EPHB1: variants seen among roughly 807,000 people sequenced by gnomAD.
EPHB1 encodes EPH receptor B1, also known as ephrin type-B receptor 1.
A neutral mutation model predicts 94.4 loss-of-function variants in EPHB1; 30 were observed. That is an observed-to-expected ratio of 0.32 (90% CI 0.24 to 0.43). EPHB1 has a LOEUF of 0.43. EPHB1 is among the 20% of genes least tolerant of loss of function. The pLI, the probability that EPHB1 is intolerant of heterozygous loss-of-function variation, is 1.00. For synonymous variants in EPHB1, 522 were observed against 489.1 expected (o/e 1.07, Z -0.89); for missense variants, 1,055 against 1,308.3 (o/e 0.81, Z 2.99).
At position 135,166,140 on chromosome 3, in the gene EPHB1, C is replaced by T. The variant is rs537983931; in HGVS notation, c.1694+64C>T. The stretch of plus-strand genomic sequence containing the variant: ...GAAGCCCCTCTCCATGTGCCGTTTC[C>T]CAGGCTGCGTGGATCAGATAGGGTG... On this transcript the variant is annotated intron_variant, in intron 8 of 15. Transcript: ENST00000398015. 37 of 1,267,514 alleles carry T rather than the reference C, an allele frequency of 2.9e-5. No individual in the cohort carries two copies. In the African/African-American group the frequency reaches 5.1e-4, roughly 18 times the overall value. The allele number at this position is 1,267,514 out of a possible 1,614,324, so 78.5% of individuals were successfully genotyped here. A position where few individuals can be genotyped will look rare whatever the true frequency, so the allele number is the denominator to read the frequency against.
intron 1 of EPHB1, among the ~76,000 whole-genome samples, chr3:134,807,152 A>G (rs905726430): frequency 4.6e-5 from 7 of 152,240 alleles, no homozygotes; most frequent in Non-Finnish European, 7.3e-5. Flanking sequence ...GAGAGCTCAC[A>G]TTCTACAGAG....
At chr3:134,882,770 C>CTTTCTTTTTTCTTTCTTTCTTTCTTTCTT (rs1453449652) in intron 1 of EPHB1, among the ~76,000 whole-genome samples, 1 of 42,558 alleles carries the variant, frequency 2.3e-5, no homozygotes, top group South Asian at 1.4e-3. Flanking sequence ...TCCTTCCTTT[C>CTTTCTTTTTTCTTTCTTTCTTTCTTTCTT]TTTCTTTCTT....
intron 12 of EPHB1, among the ~76,000 whole-genome samples, chr3:135,233,025 G>A (rs1048248749): frequency 6.6e-6 from 1 of 152,118 alleles, no homozygotes; most frequent in Non-Finnish European, 1.5e-5. Context: ...GGTGAGATTC[G>A]GGTGGGGAGA....
chr3:135,137,606 C>A (rs996249685), intron 5 of EPHB1, among the ~76,000 whole-genome samples: 3 of 152,170 alleles, frequency 2.0e-5, no homozygotes, highest in African/African-American at 7.2e-5. Flanking sequence ...CTGCTCCTCA[C>A]ATGAATCATG....
chr3:134,996,087 AAACTT>A (rs1223677873), intron 3 of EPHB1, among the ~76,000 whole-genome samples: 1 of 152,242 alleles, frequency 6.6e-6, no homozygotes, highest in African/African-American at 2.4e-5. Flanking sequence ...TTATTTCACT[AAACTT>A]AGACATCTAG....
intron 15 of EPHB1, among the ~76,000 whole-genome samples, chr3:135,257,815 G>T (rs934663250): frequency 6.6e-6 from 1 of 152,092 alleles, no homozygotes; most frequent in African/African-American, 2.4e-5. Context: ...CCCCAGCCTG[G>T]CTGCTGCCTT....
intron 3 of EPHB1, among the ~76,000 whole-genome samples, chr3:135,076,261 A>ATATATAT (rs1553729687): frequency 4.4e-5 from 5 of 112,542 alleles, no homozygotes; most frequent in South Asian, 2.8e-4. Context: ...ATATATATAT[A>ATATATAT]ACTCTTAAAT....
chr3:134,941,781 A>G (rs2039123240), intron 2 of EPHB1, among the ~76,000 whole-genome samples: 1 of 151,756 alleles, frequency 6.6e-6, no homozygotes, highest in South Asian at 2.1e-4. Context: ...ACACACACAC[A>G]CACACACACA....
intron 4 of EPHB1, among the ~76,000 whole-genome samples, chr3:135,119,483 C>T (rs188843516): frequency 2.1e-3 from 323 of 152,064 alleles, no homozygotes; most frequent in Non-Finnish European, 3.7e-3. Flanking sequence ...GTCAGAGTCT[C>T]GCTGTGTTGC....
At chr3:135,152,690 T>G (rs1052915741) in intron 5 of EPHB1, among the ~76,000 whole-genome samples, 3 of 152,114 alleles carry the variant, frequency 2.0e-5, no homozygotes, top group African/African-American at 4.8e-5. Flanking sequence ...GATTGGAAGT[T>G]GCCCATCAGA....
intron 4 of EPHB1, among the ~76,000 whole-genome samples, chr3:135,123,041 G>A (rs1200067749): frequency 2.0e-5 from 3 of 152,174 alleles, no homozygotes; most frequent in Non-Finnish European, 4.4e-5. Flanking sequence ...CTGCCTCTGT[G>A]AAATCTTTCC....
At chr3:135,131,741 T>A (rs1940426231) in intron 4 of EPHB1, among the ~76,000 whole-genome samples, 1 of 152,194 alleles carries the variant, frequency 6.6e-6, no homozygotes, top group Non-Finnish European at 1.5e-5. Flanking sequence ...TTTGCCAGAT[T>A]GTGAAAAGTA....
intron 12 of EPHB1, among the ~76,000 whole-genome samples, chr3:135,235,955 C>A (rs1943641603): frequency 6.6e-6 from 1 of 152,148 alleles, no homozygotes; most frequent in African/African-American, 2.4e-5. Flanking sequence ...GTCCTCTTGC[C>A]CCCTAATAGT....
intron 3 of EPHB1, among the ~76,000 whole-genome samples, chr3:134,985,054 T>A (rs1207535358): frequency 6.6e-6 from 1 of 152,154 alleles, no homozygotes; most frequent in Admixed American, 6.5e-5. Flanking sequence ...TATTGCACAA[T>A]GGAACTTGGC....
chr3:135,019,874 G>A lies in EPHB1; in HGVS notation c.805+67822G>A, dbSNP rs180890298. On this transcript the variant is annotated intron_variant, in intron 3 of 15. Coordinates refer to ENST00000398015, the MANE Select transcript of EPHB1 (RefSeq NM_004441.5). Reference sequence around the variant, plus strand: ...AACAACTTCATTCATAAATCCATAGGCACTTTTGTGCTTATTTCTTTAGAA... The same window carrying A: ...AACAACTTCATTCATAAATCCATAGACACTTTTGTGCTTATTTCTTTAGAA... 5.3e-3 allele frequency among the ~76,000 whole-genome samples: 800 copies of A among 152,138 alleles called. 9 individuals are homozygous for A. Among genetic ancestry groups the A allele is most frequent in the African/African-American group, 0.018 (761 of 41,500 alleles).
chr3:134,957,953 G>A (rs1933345144), intron 3 of EPHB1, among the ~76,000 whole-genome samples: 1 of 152,180 alleles, frequency 6.6e-6, no homozygotes, highest in South Asian at 2.1e-4. Flanking sequence ...CTCTCGATGT[G>A]CCTGTCTTCC....
Position 135,162,171 on chromosome 3 carries a change from C to T in EPHB1, c.1576C>T (p.Leu526=). Residue 526 remains leucine, a synonymous_variant, in exon 7 of 16, where the codon CTG becomes TTG. Coordinates refer to ENST00000398015, the MANE Select transcript of EPHB1 (RefSeq NM_004441.5). ...KFSGKMCFQT[L]TDDDYKSELR... is the part of the protein sequence containing the mutation. Reference sequence around the variant, plus strand: ...CAGTGGCAAGATGTGCTTCCAGACTCTGACTGACGGTAAGGGTCGGGGAGG... The same window carrying T: ...CAGTGGCAAGATGTGCTTCCAGACTTTGACTGACGGTAAGGGTCGGGGAGG... 6.2e-7 allele frequency: 1 copy of T among 1,605,006 alleles called. No homozygotes were observed. The highest frequency in any genetic ancestry group is 8.5e-7 in the Non-Finnish European group (1 of 1,174,688).
intron 3 of EPHB1, among the ~76,000 whole-genome samples, chr3:135,030,579 G>C (rs909758165): frequency 6.6e-6 from 1 of 152,218 alleles, no homozygotes. Context: ...CAGTCTGCCC[G>C]TTCTCAGATC....
intron 3 of EPHB1, among the ~76,000 whole-genome samples, chr3:135,081,483 A>G (rs1218382311): frequency 6.6e-6 from 1 of 152,186 alleles, no homozygotes; most frequent in Middle Eastern, 3.2e-3. Context: ...TAGCCAGAAG[A>G]CCCTGGCAGG....
Sources: allele counts gnomAD v4.1 joint callset (sites outside exome capture counted in the v4.1 genomes callset), GRCh38; gene constraint gnomAD v4.1.1; transcripts MANE v1.5; gene names NCBI Gene and HGNC (gene_info 2026-07-23, HGNC 2026-07-21).